TTC7B: variants seen among roughly 807,000 people sequenced by gnomAD.
TTC7B encodes the protein tetratricopeptide repeat protein 7B.
In TTC7B, 28 loss-of-function variants were observed where a neutral mutation model predicts 106.8. That is an observed-to-expected ratio of 0.26 (90% confidence interval 0.19 to 0.36). TTC7B has a LOEUF of 0.36. TTC7B is among the 10% of genes least tolerant of loss of function. TTC7B has a pLI of 1.00. For synonymous variants in TTC7B, 405 were observed against 430.6 expected (o/e 0.94, Z 0.74); for missense variants, 862 against 1,076.4 (o/e 0.80, Z 2.79).
At chr14:90,712,724 C>T (rs112991138) in intron 5 of TTC7B, among the ~76,000 whole-genome samples, 528 of 151,770 alleles carry the variant, frequency 3.5e-3, no homozygotes, top group African/African-American at 0.012. Flanking sequence ...TTTATCAAAA[C>T]GCTGGCAGGC....
At chr14:90,619,782 C>G (rs888192951) in intron 15 of TTC7B, among the ~76,000 whole-genome samples, 5 of 152,210 alleles carry the variant, frequency 3.3e-5, no homozygotes, top group Non-Finnish European at 5.9e-5. Context: ...GCCCTGACAT[C>G]TCTCTCTGCC....
intron 15 of TTC7B, among the ~76,000 whole-genome samples, chr14:90,631,538 A>G (rs1884704547): frequency 6.6e-6 from 1 of 151,720 alleles, no homozygotes; most frequent in South Asian, 2.1e-4. Context: ...CCACCCGAGA[A>G]GCTGAGACTA....
chr14:90,713,965 C>T (rs779903827), intron 5 of TTC7B, among the ~76,000 whole-genome samples: 7 of 152,156 alleles, frequency 4.6e-5, no homozygotes, highest in Non-Finnish European at 8.8e-5. Context: ...CGGTGGCTCA[C>T]GCCTGTAATC....
intron 17 of TTC7B, among the ~76,000 whole-genome samples, chr14:90,598,453 A>G (rs753365175): frequency 2.6e-5 from 4 of 151,776 alleles, no homozygotes; most frequent in Non-Finnish European, 2.9e-5. Flanking sequence ...TCTCTCCATC[A>G]CCATGCATGG....
At chr14:90,731,628 C>A (rs1889333359) in intron 4 of TTC7B, among the ~76,000 whole-genome samples, 1 of 152,188 alleles carries the variant, frequency 6.6e-6, no homozygotes, top group African/African-American at 2.4e-5. Flanking sequence ...GCACCCCTGA[C>A]TCTCCGGGAG....
At chr14:90,780,527 C>T (rs1891183750) in intron 3 of TTC7B, among the ~76,000 whole-genome samples, 1 of 147,722 alleles carries the variant, frequency 6.8e-6, no homozygotes, top group African/African-American at 2.6e-5. Context: ...CCTTCATCCC[C>T]TTCAGTGACA....
At chr14:90,710,060 A>AC (rs1888386516) in intron 5 of TTC7B, among the ~76,000 whole-genome samples, 5 of 151,444 alleles carry the variant, frequency 3.3e-5, no homozygotes. Flanking sequence ...CTACTTGAAA[A>AC]AAAAAAAAAA....
Position 90,575,976 on chromosome 14 carries a change from C to A in TTC7B, c.2310+2130G>T, listed in dbSNP as rs1329434275. ...ACCCAGCAGGCGGGGCTCACCATGG[C>A]CCTAGTCTCACTCACCAGCTCCCTC... On this transcript the variant is annotated intron_variant, in intron 19 of 19. Transcript: ENST00000328459. The surrounding 1 kb of genome is among the most constrained non-coding windows in gnomAD (Gnocchi z 5.2). 6.6e-6 allele frequency among the ~76,000 whole-genome samples: 1 copy of A among 152,050 alleles called. No individual in the cohort carries two copies. The highest frequency in any genetic ancestry group is 2.4e-5 in the African/African-American group (1 of 41,394).
intron 5 of TTC7B, among the ~76,000 whole-genome samples, chr14:90,720,540 G>C (rs1317668658): frequency 6.6e-6 from 1 of 152,108 alleles, no homozygotes; most frequent in East Asian, 1.9e-4. Context: ...AGACCACATG[G>C]TGTGTTCCTG....
chr14:90,721,285 C>A (rs1888886609), intron 5 of TTC7B, among the ~76,000 whole-genome samples: 2 of 152,206 alleles, frequency 1.3e-5, no homozygotes, highest in Admixed American at 1.3e-4. Flanking sequence ...AGATCTCTAA[C>A]CCTCACTAAG....
At chr14:90,796,658 T>TTG (rs2029888663) in intron 1 of TTC7B, among the ~76,000 whole-genome samples, 1 of 152,200 alleles carries the variant, frequency 6.6e-6, no homozygotes, top group African/African-American at 2.4e-5. Flanking sequence ...CTGGGAGTAC[T>TTG]TGACACCAAC....
chr14:90,677,960 C>A, intron 8 of TTC7B: 1 of 361,548 alleles, frequency 2.8e-6, no homozygotes, highest in Non-Finnish European at 5.3e-6. Context: ...TGTTAGGAGT[C>A]CCTCTTGAGC....
chr14:90,626,210 G>A (rs922375431), intron 15 of TTC7B, among the ~76,000 whole-genome samples: 1 of 152,178 alleles, frequency 6.6e-6, no homozygotes, highest in Non-Finnish European at 1.5e-5. Flanking sequence ...CTGCACTTAG[G>A]AAATTCTGTG....
chr14:90,616,515 G>A (rs1893081940), intron 16 of TTC7B, among the ~76,000 whole-genome samples: 1 of 152,088 alleles, frequency 6.6e-6, no homozygotes, highest in Admixed American at 6.5e-5. Context: ...CAGCTGGGGG[G>A]GAGGTGGGGG....
chr14:90,797,809 C>G lies in TTC7B; in HGVS notation c.122-11481G>C, dbSNP rs576441345. ...GCCCTACTGGTCATAGCAAAAGATACGAGACAACCTATAAGGTCCTTGACA... is the reference window on the plus strand; with the variant it reads ...GCCCTACTGGTCATAGCAAAAGATAGGAGACAACCTATAAGGTCCTTGACA... On this transcript the variant is annotated intron_variant, in intron 1 of 19. Coordinates refer to ENST00000328459, the MANE Select transcript of TTC7B (RefSeq NM_001010854.2). Among the ~76,000 whole-genome samples the G allele has an allele frequency of 5.6e-4, 86 of 152,252 alleles. 1 individual carries two copies. In the Middle Eastern group the frequency reaches 0.017, roughly 30 times the overall value.
At chr14:90,634,334 C>T (rs765152948) in intron 15 of TTC7B, among the ~76,000 whole-genome samples, 7 of 151,906 alleles carry the variant, frequency 4.6e-5, no homozygotes, top group African/African-American at 9.7e-5. Context: ...AGCAACAAAA[C>T]GACAAGACAC....
chr14:90,811,727 A>G (rs1022358176), intron 1 of TTC7B, among the ~76,000 whole-genome samples: 2 of 152,226 alleles, frequency 1.3e-5, no homozygotes, highest in African/African-American at 4.8e-5. Flanking sequence ...AAATGTCTCA[A>G]AATCTTATAG....
chr14:90,630,871 A>G (rs985032019), intron 15 of TTC7B, among the ~76,000 whole-genome samples: 6 of 135,790 alleles, frequency 4.4e-5, no homozygotes, highest in Non-Finnish European at 7.7e-5. Flanking sequence ...GTCTCACTCT[A>G]TTGCCCAGGC....
intron 3 of TTC7B, among the ~76,000 whole-genome samples, chr14:90,760,573 G>A (rs1239454925): frequency 7.2e-5 from 11 of 152,144 alleles, no homozygotes; most frequent in Non-Finnish European, 8.8e-5. Flanking sequence ...ATGTAAATCC[G>A]GCACAAATGT....
Sources: gnomAD v4.1 joint callset for allele counts (sites outside exome capture counted in the v4.1 genomes callset) on GRCh38, gnomAD v4.1.1 for gene constraint, Gnocchi (gnomAD v3.1) non-coding constraint, MANE v1.5 for transcripts, NCBI Gene and HGNC (gene_info 2026-07-23, HGNC 2026-07-21) for gene names.